The following RNF216 variants were observed in gnomAD, a reference collection of about 807,000 sequenced individuals.
The protein encoded by RNF216 is E3 ubiquitin-protein ligase RNF216.
In RNF216, 72 loss-of-function variants were observed where a neutral mutation model predicts 110.8. That is an observed-to-expected ratio of 0.65 (90% CI 0.54 to 0.79). The LOEUF is 0.79. RNF216 is among the 30% of genes least tolerant of loss of function. RNF216 has a pLI of 0.00. For synonymous variants in RNF216, 495 were observed against 407.5 expected (o/e 1.21, Z -2.59); for missense variants, 1,342 against 1,141.2 (o/e 1.18, Z -2.54).
At chr7:5,748,143 C>A (rs1339078879) in intron 3 of RNF216, among the ~76,000 whole-genome samples, 2 of 152,202 alleles carry the variant, frequency 1.3e-5, no homozygotes, top group African/African-American at 4.8e-5. Flanking sequence ...ACTCTTAACA[C>A]AGACAGAGGA....
chr7:5,738,711 A>T (rs1794581861), intron 5 of RNF216, among the ~76,000 whole-genome samples: 1 of 142,746 alleles, frequency 7.0e-6, no homozygotes, highest in Non-Finnish European at 1.6e-5. Context: ...CCGTCTCAAA[A>T]AAAAAAAAAA....
At chr7:5,759,984 C>G (rs1351445648) in intron 2 of RNF216, among the ~76,000 whole-genome samples, 1 of 152,026 alleles carries the variant, frequency 6.6e-6, no homozygotes, top group Non-Finnish European at 1.5e-5. Context: ...CTAGAAAAAT[C>G]ATCTTTGTAA....
intron 15 of RNF216, among the ~76,000 whole-genome samples, chr7:5,629,826 C>CCAA (rs1786956729): frequency 3.7e-5 from 2 of 54,046 alleles, no homozygotes; most frequent in Non-Finnish European, 7.2e-5. Context: ...GACTCTGTCT[C>CCAA]AAAAAAAAAA....
intron 13 of RNF216, among the ~76,000 whole-genome samples, chr7:5,710,378 C>CAA (rs1212442569): frequency 2.4e-4 from 36 of 149,264 alleles, no homozygotes; most frequent in Admixed American, 6.0e-4. Context: ...AAAACAAAAA[C>CAA]AAAAACAAAA....
chr7:5,637,283 A>G (rs1452477151), intron 15 of RNF216, among the ~76,000 whole-genome samples: 2 of 152,124 alleles, frequency 1.3e-5, no homozygotes, highest in Non-Finnish European at 2.9e-5. Flanking sequence ...CCAGCAAAAG[A>G]AGGATGACTC....
intron 3 of RNF216, among the ~76,000 whole-genome samples, chr7:5,742,355 T>A (rs1021533769): frequency 6.6e-6 from 1 of 152,034 alleles, no homozygotes; most frequent in Non-Finnish European, 1.5e-5. Context: ...CCCTGAATTA[T>A]AATTTAACCT....
chr7:5,708,770 G>C (rs769261218), intron 13 of RNF216, among the ~76,000 whole-genome samples: 1 of 152,246 alleles, frequency 6.6e-6, no homozygotes, highest in African/African-American at 2.4e-5. Context: ...CAGCTCCAAG[G>C]CATCTAGAGT....
chr7:5,673,209 GTTA>G (rs956911257), intron 13 of RNF216, among the ~76,000 whole-genome samples: 14 of 152,192 alleles, frequency 9.2e-5, no homozygotes, highest in African/African-American at 2.9e-4. Context: ...GAAGTCAGTG[GTTA>G]TTGAGATTCT....
At chr7:5,764,716 T>C (rs1270769696) in intron 1 of RNF216, among the ~76,000 whole-genome samples, 3 of 151,834 alleles carry the variant, frequency 2.0e-5, no homozygotes, top group South Asian at 2.1e-4. Context: ...CTTTAGGTAG[T>C]AGAGAAAAAA....
chr7:5,665,474 AT>A (rs1473237855), intron 13 of RNF216, among the ~76,000 whole-genome samples: 2 of 152,212 alleles, frequency 1.3e-5, no homozygotes, highest in Admixed American at 1.3e-4. Flanking sequence ...ATTTCTGTGG[AT>A]TAGAAAAGTT....
At chr7:5,712,289 G>A (rs1234266892) in intron 12 of RNF216, among the ~76,000 whole-genome samples, 3 of 152,150 alleles carry the variant, frequency 2.0e-5, no homozygotes, top group Admixed American at 1.3e-4. Flanking sequence ...AGACCAGCCT[G>A]GCCAACATGG....
intron 15 of RNF216, among the ~76,000 whole-genome samples, chr7:5,626,200 G>C (rs1786691876): frequency 6.6e-6 from 1 of 152,122 alleles, no homozygotes; most frequent in Admixed American, 6.6e-5. Context: ...AGGTCATCTA[G>C]CCTCTTTGTG....
intron 15 of RNF216, among the ~76,000 whole-genome samples, chr7:5,633,693 C>T (rs1363766775): frequency 6.6e-6 from 1 of 152,200 alleles, no homozygotes; most frequent in Admixed American, 6.5e-5. Context: ...GCAGAAAGAA[C>T]TCAGCCTGAC....
chr7:5,686,224 T>TAAAAA (rs71971690), intron 13 of RNF216, among the ~76,000 whole-genome samples: 3 of 111,632 alleles, frequency 2.7e-5, no homozygotes, highest in Admixed American at 9.3e-5. Flanking sequence ...ACTCTGTTAT[T>TAAAAA]AAAAAAAAAA....
chr7:5,675,266 G>A (rs148672800), intron 13 of RNF216, among the ~76,000 whole-genome samples: 2 of 152,134 alleles, frequency 1.3e-5, no homozygotes, highest in Admixed American at 6.5e-5. Flanking sequence ...CTGCACACAC[G>A]CTAGGTTCTG....
chr7:5,662,408 C>T (rs17765559), intron 13 of RNF216: 5,482 of 152,290 alleles, frequency 0.036, 141 homozygotes, highest in Non-Finnish European at 0.057. Context: ...AGCCCCTGGA[C>T]GCTTACTTGT....
At chr7:5,672,840 T>C (rs185481326) in intron 13 of RNF216, among the ~76,000 whole-genome samples, 3 of 152,112 alleles carry the variant, frequency 2.0e-5, no homozygotes, top group Admixed American at 2.0e-4. Context: ...TGGGGCTTTC[T>C]AGGACACAGG....
intron 15 of RNF216, among the ~76,000 whole-genome samples, chr7:5,639,686 C>T (rs1323037641): frequency 6.6e-6 from 1 of 152,006 alleles, no homozygotes; most frequent in African/African-American, 2.4e-5. Flanking sequence ...TCTTGAACTC[C>T]TGACCTCAGG....
intron 13 of RNF216, among the ~76,000 whole-genome samples, chr7:5,666,394 G>A (rs1789527280): frequency 6.6e-6 from 1 of 152,132 alleles, no homozygotes; most frequent in Non-Finnish European, 1.5e-5. Context: ...GTGCATGTAA[G>A]TGAAGACTTA....
Sources: allele counts gnomAD v4.1 joint callset (sites outside exome capture counted in the v4.1 genomes callset), GRCh38; gene constraint gnomAD v4.1.1; transcripts MANE v1.5; gene names NCBI Gene and HGNC (gene_info 2026-07-23, HGNC 2026-07-21).